Variants in CTNND2 observed in about 807,000 individuals in gnomAD.
The protein encoded by CTNND2 is catenin delta 2.
A neutral mutation model predicts 144.4 loss-of-function variants in CTNND2; 22 were observed. That is an observed-to-expected ratio of 0.15 (90% CI 0.11 to 0.22). The LOEUF is 0.22. Ranked by LOEUF, CTNND2 falls within the 10% of genes least tolerant of loss-of-function variation. The pLI is 1.00. For synonymous variants in CTNND2, 751 were observed against 695.6 expected, an observed-to-expected ratio of 1.08 and a Z score of -1.25; for missense variants, 1,353 against 1,618.8, an observed-to-expected ratio of 0.84 and a Z score of 2.82.
intron 2 of CTNND2, among the ~76,000 whole-genome samples, chr5:11,622,860 A>T (rs1407224707): frequency 6.6e-6 from 1 of 152,202 alleles, no homozygotes; most frequent in African/African-American, 2.4e-5. Flanking sequence ...TAATTTCAGA[A>T]TGATTAAAAC....
intron 2 of CTNND2, among the ~76,000 whole-genome samples, chr5:11,641,261 C>T (rs1465419360): frequency 6.6e-6 from 1 of 152,044 alleles, no homozygotes; most frequent in Non-Finnish European, 1.5e-5. Flanking sequence ...CACTTTAACT[C>T]TCTCAGACAT....
intron 3 of CTNND2, among the ~76,000 whole-genome samples, chr5:11,461,113 T>C (rs1303212996): frequency 6.6e-6 from 1 of 152,108 alleles, no homozygotes; most frequent in Non-Finnish European, 1.5e-5. Context: ...TGGTTCTTTA[T>C]TTTCTTTCTC....
At chr5:11,456,463 C>A (rs1765746724) in intron 3 of CTNND2, among the ~76,000 whole-genome samples, 1 of 152,052 alleles carries the variant, frequency 6.6e-6, no homozygotes, top group African/African-American at 2.4e-5. Context: ...TGTCCAGACA[C>A]AGGTGCTGTG....
In CTNND2 at chr5:11,275,817, G is replaced by A. The variant is rs1580772342; in HGVS notation, c.1629-38994C>T. Among the ~76,000 whole-genome samples, 3 of 152,220 alleles carry A rather than the reference G, an allele frequency of 2.0e-5. No individual in the cohort carries two copies. In the South Asian group the frequency reaches 6.2e-4, roughly 31 times the overall value. On this transcript the variant is annotated intron_variant, in intron 9 of 21. Coordinates refer to ENST00000304623, the MANE Select transcript of CTNND2 (RefSeq NM_001332.4). The stretch of plus-strand genomic sequence containing the variant: ...GCCAATCCATGGGGGAAGGTACTGA[G>A]TAGAATGTGTTTCTTCAAAAGACAT...
chr5:11,089,507 T>C (rs1486511747), intron 15 of CTNND2, among the ~76,000 whole-genome samples: 1 of 152,248 alleles, frequency 6.6e-6, no homozygotes, highest in Admixed American at 6.5e-5. Context: ...TTTATCTCAA[T>C]TGTCTTGTCT....
intron 3 of CTNND2, among the ~76,000 whole-genome samples, chr5:11,412,842 T>C (rs190685978): frequency 9.1e-4 from 139 of 152,302 alleles, no homozygotes; most frequent in Non-Finnish European, 1.6e-3. Context: ...CTGAAAGACA[T>C]CATTTTGAGA....
intron 3 of CTNND2, among the ~76,000 whole-genome samples, chr5:11,548,297 G>A (rs1229953238): frequency 6.6e-6 from 1 of 152,150 alleles, no homozygotes; most frequent in Non-Finnish European, 1.5e-5. Flanking sequence ...GAGACAATGA[G>A]GAGGGGGCCT....
At chr5:11,862,713 T>C (rs7723647) in intron 1 of CTNND2, among the ~76,000 whole-genome samples, 54 of 152,346 alleles carry the variant, frequency 3.5e-4, no homozygotes, top group African/African-American at 9.4e-4. Context: ...GCCATAATTA[T>C]TAGAACATTG....
At chr5:11,141,430 G>C (rs1016888221) in intron 12 of CTNND2, among the ~76,000 whole-genome samples, 5 of 152,054 alleles carry the variant, frequency 3.3e-5, no homozygotes, top group African/African-American at 9.7e-5. Context: ...GATGGCTCTT[G>C]GTGAATAAAG....
chr5:11,582,103 T>G (rs1361107155), intron 2 of CTNND2, among the ~76,000 whole-genome samples: 6 of 152,146 alleles, frequency 3.9e-5, no homozygotes, highest in African/African-American at 1.2e-4. Context: ...GAGAGCCCAT[T>G]TCTGCTCATC....
chr5:11,474,813 G>C (rs75769274), intron 3 of CTNND2, among the ~76,000 whole-genome samples: 2,444 of 152,234 alleles, frequency 0.016, 64 homozygotes, highest in African/African-American at 0.056. Flanking sequence ...GTTGCCTCTT[G>C]CTATTTTGCA....
In CTNND2 at chr5:11,442,987, A is replaced by G. The variant is rs573236588; in HGVS notation, c.288-30918T>C. Among the ~76,000 whole-genome samples, 246 of 148,052 alleles carry G rather than the reference A, an allele frequency of 1.7e-3. 3 individuals are homozygous for G. The highest frequency in any genetic ancestry group is 5.8e-3 in the African/African-American group (237 of 40,768). ...AATATATATAATATATATTACATAC[A>G]CCATGAAGAATATATTTAAAGAGTA... On this transcript the variant is annotated intron_variant, in intron 3 of 21. Transcript: ENST00000304623.
Position 11,364,907 on chromosome 5 carries a change from G to A in CTNND2, c.1178-17C>T, listed in dbSNP as rs1756820003. The A allele has an allele frequency of 2.5e-6, 4 of 1,601,888 alleles. 1 individual carries two copies. The highest frequency in any genetic ancestry group is 3.3e-4 in the Middle Eastern group (2 of 6,052). ...GGGAACCAGCTGAAATAAATCAACA[G>A]AGGGACATCAAAGCTCAGGCGACCT... On this transcript the variant is annotated splice_polypyrimidine_tract_variant and intron_variant, in intron 7 of 21. Transcript: ENST00000304623.
At chr5:11,402,276 T>C (rs943300620) in intron 5 of CTNND2, among the ~76,000 whole-genome samples, 14 of 152,182 alleles carry the variant, frequency 9.2e-5, no homozygotes, top group African/African-American at 3.1e-4. Context: ...GCTGCTTAAA[T>C]GTCACCTCCC....
At chr5:11,240,107 A>AACAC (rs762278336) in intron 9 of CTNND2, among the ~76,000 whole-genome samples, 4 of 149,446 alleles carry the variant, frequency 2.7e-5, no homozygotes, top group Admixed American at 2.0e-4. Context: ...TTAGCCACAC[A>AACAC]ACACACACAC....
Position 11,903,496 on chromosome 5 carries a change from C to T in CTNND2, c.37+321G>A. On this transcript the variant is annotated intron_variant, in intron 1 of 21. Coordinates refer to ENST00000304623, the MANE Select transcript of CTNND2 (RefSeq NM_001332.4). This position sits in a 1 kb window ranked among gnomAD's most constrained non-coding sequence, Gnocchi z 5.4. ...TGCACCGAGTATGTTCTCAGGGTGGCGGGGAGCAGCATTGTCGGTGTTGCC... is the reference window on the plus strand; with the variant it reads ...TGCACCGAGTATGTTCTCAGGGTGGTGGGGAGCAGCATTGTCGGTGTTGCC... 1 of 654,064 alleles carries T rather than the reference C, an allele frequency of 1.5e-6. No individual in the cohort carries two copies. The highest frequency in any genetic ancestry group is 2.1e-6 in the Non-Finnish European group (1 of 476,650). 40.5% of individuals were successfully genotyped at this position (654,064 alleles called of 1,614,324 possible). A position where few individuals can be genotyped will look rare whatever the true frequency, so the allele number is the denominator to read the frequency against.
At chr5:11,236,903 A>C in intron 9 of CTNND2, 80 bp from the exon 10 acceptor site, 1 of 1,469,974 alleles carries the variant, frequency 6.8e-7, no homozygotes, top group Non-Finnish European at 9.4e-7. Context: ...CTCGTGTATG[A>C]AATGTACCTG....
intron 10 of CTNND2, among the ~76,000 whole-genome samples, chr5:11,217,317 T>C (rs1739302457): frequency 6.6e-6 from 1 of 152,234 alleles, no homozygotes; most frequent in Non-Finnish European, 1.5e-5. Context: ...TCTGGTATTT[T>C]GGTTTTGCTT....
chr5:11,664,750 T>C (rs1179290471), intron 2 of CTNND2, among the ~76,000 whole-genome samples: 1 of 152,182 alleles, frequency 6.6e-6, no homozygotes, highest in Non-Finnish European at 1.5e-5. Flanking sequence ...CACTCACTAT[T>C]TCCTCCATGG....
Sources: allele counts gnomAD v4.1 joint callset (sites outside exome capture counted in the v4.1 genomes callset), GRCh38; gene constraint gnomAD v4.1.1; non-coding constraint Gnocchi (gnomAD v3.1); transcripts MANE v1.5; gene names NCBI Gene and HGNC (gene_info 2026-07-23, HGNC 2026-07-21).